Variants in MTMR7 observed in about 807,000 individuals in gnomAD.
MTMR7 encodes phosphatidylinositol-3-phosphate phosphatase MTMR7.
In MTMR7, 76 loss-of-function variants were observed where a neutral mutation model predicts 81.2. The observed-to-expected ratio is 0.94, with a 90% CI of 0.78 to 1.13. The LOEUF (loss-of-function observed/expected upper bound fraction) is 1.13, where lower values mean the gene tolerates loss of function less well. MTMR7 is among the 50% of genes most tolerant of loss of function. The probability of loss-of-function intolerance (pLI) is 0.00; values close to 1 mark genes in which losing one functional copy is unlikely to be tolerated. For synonymous variants in MTMR7, 372 were observed against 289.8 expected (o/e 1.28, Z -2.88); for missense variants, 1,044 against 820.0 (o/e 1.27, Z -3.34).
At chr8:17,330,483 G>A (rs991027729) in intron 7 of MTMR7, among the ~76,000 whole-genome samples, 9 of 152,260 alleles carry the variant, frequency 5.9e-5, no homozygotes, top group African/African-American at 9.6e-5. Flanking sequence ...AGCAGAAGCA[G>A]CGGACTAAGC....
intron 1 of MTMR7, among the ~76,000 whole-genome samples, chr8:17,394,280 T>C (rs1452224507): frequency 6.6e-6 from 1 of 152,178 alleles, no homozygotes; most frequent in South Asian, 2.1e-4. Flanking sequence ...CAATAAAAAG[T>C]AGAAACAACT....
intron 7 of MTMR7, among the ~76,000 whole-genome samples, chr8:17,320,725 C>A (rs1164801604): frequency 6.6e-6 from 1 of 152,152 alleles, no homozygotes; most frequent in African/African-American, 2.4e-5. Context: ...GTGACAGTGC[C>A]CAGCAATACC....
chr8:17,343,240 A>G (rs558280150), intron 5 of MTMR7, among the ~76,000 whole-genome samples: 1 of 152,288 alleles, frequency 6.6e-6, no homozygotes, highest in South Asian at 2.1e-4. Context: ...CAGCCTGTCC[A>G]ACATGGTGAA....
chr8:17,384,199 C>A (rs1228608406), intron 1 of MTMR7, among the ~76,000 whole-genome samples: 3 of 152,196 alleles, frequency 2.0e-5, no homozygotes, highest in African/African-American at 7.2e-5. Flanking sequence ...TCACTTGAGG[C>A]CGACAGTTCG....
intron 7 of MTMR7, among the ~76,000 whole-genome samples, chr8:17,316,464 T>TAAAA (rs3040963): frequency 7.0e-6 from 1 of 143,476 alleles, no homozygotes. Flanking sequence ...AACAGTACAG[T>TAAAA]AAAAAAAAAA....
chr8:17,377,915 A>T (rs1231025162), intron 1 of MTMR7, among the ~76,000 whole-genome samples: 1 of 152,198 alleles, frequency 6.6e-6, no homozygotes, highest in Non-Finnish European at 1.5e-5. Context: ...GAGAAAAATA[A>T]GGGGATAGAA....
chr8:17,395,254 C>A (rs1450397690), intron 1 of MTMR7, among the ~76,000 whole-genome samples: 2 of 152,100 alleles, frequency 1.3e-5, no homozygotes, highest in African/African-American at 4.8e-5. Flanking sequence ...GAACTTCATT[C>A]CTTTTCAAGG....
chr8:17,404,172 T>C (rs1821509258), intron 1 of MTMR7, among the ~76,000 whole-genome samples: 1 of 151,664 alleles, frequency 6.6e-6, no homozygotes, highest in Non-Finnish European at 1.5e-5. Flanking sequence ...CAGGCAAGAG[T>C]TGACAGTATT....
Position 17,303,654 on chromosome 8 carries a change from G to C in MTMR7, c.1493+725C>G, listed in dbSNP as rs185971498. 4.5e-3 allele frequency among the ~76,000 whole-genome samples: 678 copies of C among 150,276 alleles called. 21 individuals are homozygous for C. The highest frequency in any genetic ancestry group is 0.041 in the Admixed American group (619 of 15,030). ...GATGGAGTTTTGCTCTTGTTGCCCAGGCTGGAGTGCAATGGCACGATCTCG... is the reference window on the plus strand; with the variant it reads ...GATGGAGTTTTGCTCTTGTTGCCCACGCTGGAGTGCAATGGCACGATCTCG... On this transcript the variant is annotated intron_variant, in intron 12 of 13. Transcript: ENST00000180173.
chr8:17,380,666 C>T (rs904527955), intron 1 of MTMR7, among the ~76,000 whole-genome samples: 5 of 152,044 alleles, frequency 3.3e-5, no homozygotes, highest in Admixed American at 3.3e-4. Flanking sequence ...GACACCCGTG[C>T]TAGAGCTAAG....
chr8:17,372,233 C>T (rs1391775133), intron 2 of MTMR7, among the ~76,000 whole-genome samples: 2 of 152,216 alleles, frequency 1.3e-5, no homozygotes, highest in South Asian at 2.1e-4. Flanking sequence ...CCACTGTGCA[C>T]GAAATACAGC....
chr8:17,362,496 G>A (rs753243742), intron 3 of MTMR7, among the ~76,000 whole-genome samples: 3 of 152,094 alleles, frequency 2.0e-5, no homozygotes, highest in Non-Finnish European at 2.9e-5. Flanking sequence ...TCATTTTACC[G>A]ACGAGAAATC....
intron 4 of MTMR7, among the ~76,000 whole-genome samples, chr8:17,354,892 T>A (rs1461511108): frequency 3.9e-5 from 6 of 152,226 alleles, no homozygotes; most frequent in Admixed American, 3.3e-4. Flanking sequence ...TCGGTGATAT[T>A]TGCAAAATCA....
intron 1 of MTMR7, among the ~76,000 whole-genome samples, chr8:17,404,298 G>T (rs1340368581): frequency 6.6e-6 from 1 of 152,174 alleles, no homozygotes; most frequent in Non-Finnish European, 1.5e-5. Context: ...CAAAGTTATT[G>T]GCTCCAGCAC....
intron 6 of MTMR7, among the ~76,000 whole-genome samples, chr8:17,337,386 C>A (rs927287570): frequency 1.3e-5 from 2 of 149,520 alleles, no homozygotes; most frequent in Non-Finnish European, 3.0e-5. Context: ...AAAAAAGTGC[C>A]TGCCATTTTT....
intron 2 of MTMR7, among the ~76,000 whole-genome samples, chr8:17,372,537 G>C (rs370970474): frequency 1.3e-4 from 20 of 152,146 alleles, no homozygotes; most frequent in African/African-American, 4.6e-4. Flanking sequence ...GCAGTGAGCT[G>C]AGATCGCATC....
At chr8:17,316,695 ACCAAT>A (rs1818096704) in intron 7 of MTMR7, among the ~76,000 whole-genome samples, 1 of 152,216 alleles carries the variant, frequency 6.6e-6, no homozygotes. Flanking sequence ...GTAATAGAAA[ACCAAT>A]CCAGTGTAAC....
At chr8:17,412,125 C>T (rs1251572999) in intron 1 of MTMR7, among the ~76,000 whole-genome samples, 1 of 152,228 alleles carries the variant, frequency 6.6e-6, no homozygotes, top group African/African-American at 2.4e-5. Context: ...TTTAAATTTA[C>T]TGTCGGAACT....
chr8:17,369,252 A>G (rs1820332240), intron 3 of MTMR7, among the ~76,000 whole-genome samples: 1 of 152,188 alleles, frequency 6.6e-6, no homozygotes, highest in Admixed American at 6.5e-5. Flanking sequence ...AAAAAGTTCA[A>G]CTGCTTTTCT....
Sources: gnomAD v4.1 joint callset for allele counts (sites outside exome capture counted in the v4.1 genomes callset) on GRCh38, gnomAD v4.1.1 for gene constraint, MANE v1.5 for transcripts, NCBI Gene and HGNC (gene_info 2026-07-23, HGNC 2026-07-21) for gene names.